Variants in SVEP1 observed in about 807,000 individuals in gnomAD.
SVEP1 encodes the protein sushi, von Willebrand factor type A, EGF and pentraxin domain containing 1.
SVEP1 carries 164 observed loss-of-function variants against 367.3 expected under a neutral mutation model. That is an observed-to-expected ratio of 0.45 (90% CI 0.39 to 0.51). The LOEUF is 0.51. SVEP1 is among the 20% of genes least tolerant of loss of function. The pLI is 0.00. For synonymous variants in SVEP1, 1,666 were observed against 1,611.6 expected (o/e 1.03, Z -0.81); for missense variants, 4,117 against 4,425.3 (o/e 0.93, Z 1.98).
In SVEP1 at chr9:110,409,399, G is replaced by A. The variant is rs188629774; in HGVS notation, c.6649-448C>T. On this transcript the variant is annotated intron_variant, in intron 37 of 47. Transcript: ENST00000374469. ...ATTGTGCCACTGCACTCCAGCCTGGGAGACAGAGCAAGACTCTGTCTAAAG... is the reference window on the plus strand; with the variant it reads ...ATTGTGCCACTGCACTCCAGCCTGGAAGACAGAGCAAGACTCTGTCTAAAG... Among the ~76,000 whole-genome samples the A allele has an allele frequency of 2.7e-3, 408 of 152,176 alleles. 1 individual carries two copies. Among genetic ancestry groups the A allele is most frequent in the Non-Finnish European group, 4.9e-3 (330 of 68,000 alleles).
At chr9:110,527,653 T>C (rs905982981) in intron 3 of SVEP1, among the ~76,000 whole-genome samples, 1 of 152,058 alleles carries the variant, frequency 6.6e-6, no homozygotes, top group Non-Finnish European at 1.5e-5. Context: ...TTTACTTATG[T>C]TTATTGCCTA....
intron 3 of SVEP1, among the ~76,000 whole-genome samples, chr9:110,545,140 C>G (rs1830202890): frequency 6.6e-6 from 1 of 152,118 alleles, no homozygotes; most frequent in Non-Finnish European, 1.5e-5. Context: ...TGTATATAGA[C>G]CACATTTTCT....
chr9:110,472,399 A>C, intron 14 of SVEP1, 76 bp from the exon 15 acceptor site: 1 of 1,413,968 alleles, frequency 7.1e-7, no homozygotes, highest in South Asian at 1.5e-5. Flanking sequence ...ATGTTAAGCC[A>C]CAAGTGAAAT....
chr9:110,411,812 T>C, intron 36 of SVEP1, 77 bp from the exon 37 acceptor site: 1 of 1,312,520 alleles, frequency 7.6e-7, no homozygotes, highest in Non-Finnish European at 1.0e-6. Flanking sequence ...TTCTATTTTT[T>C]AAATCTTTCC....
intron 3 of SVEP1, among the ~76,000 whole-genome samples, chr9:110,524,699 A>ATATTATTATTATTATTATTAT (rs143284905): frequency 2.0e-5 from 3 of 150,284 alleles, no homozygotes; most frequent in African/African-American, 4.9e-5. Context: ...AATCATACAA[A>ATATTATTATTATTATTATTAT]TGTTATTATT....
chr9:110,389,732 T>G (rs1827597506), intron 40 of SVEP1, 145 bp from the exon 41 acceptor site: 10 of 820,912 alleles, frequency 1.2e-5, no homozygotes, highest in Non-Finnish European at 1.5e-5. Flanking sequence ...TTTGAAAGTC[T>G]AAATCTACTC....
At chr9:110,425,889 A>G (rs1828246066) in intron 36 of SVEP1, among the ~76,000 whole-genome samples, 1 of 152,190 alleles carries the variant, frequency 6.6e-6, no homozygotes. Flanking sequence ...TAATAAAATC[A>G]TGGATGACTT....
At chr9:110,491,469 C>G (rs75668422) in intron 8 of SVEP1, among the ~76,000 whole-genome samples, 4,287 of 151,836 alleles carry the variant, frequency 0.028, 192 homozygotes, top group African/African-American at 0.098. Context: ...TGCCATTTAC[C>G]CTTCTTTTTA....
intron 14 of SVEP1, among the ~76,000 whole-genome samples, chr9:110,475,035 C>T (rs1159749598): frequency 6.6e-6 from 1 of 150,820 alleles, no homozygotes; most frequent in African/African-American, 2.4e-5. Context: ...TATCTACATA[C>T]ATATATACTT....
rs866958135 is a variant in SVEP1 at position 110,391,577 on chromosome 9, G to A, written c.9823-1990C>T. On this transcript the variant is annotated intron_variant, in intron 40 of 47. Coordinates refer to ENST00000374469, the MANE Select transcript of SVEP1 (RefSeq NM_153366.4). ...GTGAGCCACCATGCCCGGCCTTGAT[G>A]TGTCATTACATTTGAAGAAGTATTA... Among the ~76,000 whole-genome samples, 18 of 152,132 alleles carry A rather than the reference G, an allele frequency of 1.2e-4. No individual in the cohort carries two copies. In the Middle Eastern group the frequency reaches 0.014, roughly 115 times the overall value.
In SVEP1 at chr9:110,410,173, A is replaced by G. The variant is rs1270392359; in HGVS notation, c.6648+890T>C. Among the ~76,000 whole-genome samples, 7 of 152,354 alleles carry G rather than the reference A, an allele frequency of 4.6e-5. No individual in the cohort carries two copies. The East Asian group carries it at 1.3e-3, about 29-fold the overall frequency. On this transcript the variant is annotated intron_variant, in intron 37 of 47. Coordinates refer to ENST00000374469, the MANE Select transcript of SVEP1 (RefSeq NM_153366.4). ...TTTACTGTTTTGTTATTTTGAATGT[A>G]AAGGAGAAAAGGTTGTACTGTGTAT...
rs1182163405 is a variant in SVEP1 at position 110,366,331 on chromosome 9, G to A, written c.*208C>T. Reference sequence around the variant, plus strand: ...TATAATTTTTATATAGAAAATACAGGCATATTTAAAAATGGAAACATGTAA... The same window carrying A: ...TATAATTTTTATATAGAAAATACAGACATATTTAAAAATGGAAACATGTAA... On this transcript the variant is annotated 3_prime_UTR_variant, in exon 48 of 48. Coordinates refer to ENST00000374469, the MANE Select transcript of SVEP1 (RefSeq NM_153366.4). 4 of 415,056 alleles carry A rather than the reference G, an allele frequency of 9.6e-6. No individual in the cohort carries two copies. The highest frequency in any genetic ancestry group is 1.7e-5 in the Non-Finnish European group (4 of 236,698). The allele number at this position is 415,056 out of a possible 1,614,324, so 25.7% of individuals were successfully genotyped here. A position where few individuals can be genotyped will look rare whatever the true frequency, so the allele number is the denominator to read the frequency against.
intron 18 of SVEP1, among the ~76,000 whole-genome samples, chr9:110,460,285 C>T (rs1828837644): frequency 6.6e-6 from 1 of 151,778 alleles, no homozygotes; most frequent in Non-Finnish European, 1.5e-5. Flanking sequence ...CTAATTGCTA[C>T]CTTTTGAATT....
At chr9:110,573,944 G>GT (rs561016194) in intron 1 of SVEP1, among the ~76,000 whole-genome samples, 169 of 152,314 alleles carry the variant, frequency 1.1e-3, no homozygotes, top group African/African-American at 3.9e-3. Flanking sequence ...TCTTTGAAGA[G>GT]TGCTAGGGGG....
intron 22 of SVEP1, among the ~76,000 whole-genome samples, chr9:110,455,206 C>A (rs559017036): frequency 3.3e-5 from 5 of 152,176 alleles, no homozygotes; most frequent in African/African-American, 1.2e-4. Context: ...TAGTAAAAAG[C>A]TTGGGGATGA....
chr9:110,371,993 A>AACAACACG (rs547685953), intron 46 of SVEP1, among the ~76,000 whole-genome samples: 2,478 of 152,230 alleles, frequency 0.016, 77 homozygotes, highest in African/African-American at 0.057. Flanking sequence ...CTCTCAACAC[A>AACAACACG]TAATTTAGCA....
At chr9:110,538,219 C>A (rs186313487) in intron 3 of SVEP1, among the ~76,000 whole-genome samples, 2 of 151,998 alleles carry the variant, frequency 1.3e-5, no homozygotes, top group African/African-American at 4.8e-5. Context: ...ACAAACTAGC[C>A]TGATTTAGGC....
At chr9:110,530,688 C>T (rs1233511086) in intron 3 of SVEP1, among the ~76,000 whole-genome samples, 1 of 152,040 alleles carries the variant, frequency 6.6e-6, no homozygotes, top group African/African-American at 2.4e-5. Context: ...AGATGCACAC[C>T]ACAGTGACCA....
chr9:110,410,637 A>G (rs902779560), intron 37 of SVEP1, among the ~76,000 whole-genome samples: 2 of 152,248 alleles, frequency 1.3e-5, no homozygotes, highest in African/African-American at 4.8e-5. Flanking sequence ...TAAAATGCAG[A>G]AAGTTATATA....
Sources: allele counts gnomAD v4.1 joint callset (sites outside exome capture counted in the v4.1 genomes callset), GRCh38; gene constraint gnomAD v4.1.1; transcripts MANE v1.5; gene names NCBI Gene and HGNC (gene_info 2026-07-23, HGNC 2026-07-21).